Variants in PRELID2 observed in about 807,000 individuals in gnomAD.
PRELID2 encodes PRELI domain containing 2, also known as PRELI domain-containing protein 2.
In PRELID2, 25 loss-of-function variants were observed where a neutral mutation model predicts 28.4. That is an observed-to-expected ratio of 0.88 (90% CI 0.64 to 1.23). The LOEUF (loss-of-function observed/expected upper bound fraction) is 1.23, where lower values mean the gene tolerates loss of function less well. Among genes scored for constraint, PRELID2 ranks in the 50% most tolerant of loss-of-function variants. The pLI, the probability that PRELID2 is intolerant of heterozygous loss-of-function variation, is 0.00. For synonymous variants in PRELID2, 76 were observed against 71.6 expected, an observed-to-expected ratio of 1.06 and a Z score of -0.31; for missense variants, 201 against 214.4, an observed-to-expected ratio of 0.94 and a Z score of 0.39.
At chr5:145,783,825 G>A (rs1394630654) in intron 5 of PRELID2, among the ~76,000 whole-genome samples, 2 of 152,094 alleles carry the variant, frequency 1.3e-5, no homozygotes, top group Admixed American at 6.5e-5. Context: ...TTTGAACGAC[G>A]GTTTTATGCT....
At chr5:145,728,737 C>A (rs1756249192) in intron 1 of PRELID2, 16 of 1,527,768 alleles carry the variant, frequency 1.0e-5, no homozygotes, top group Non-Finnish European at 1.5e-5. Flanking sequence ...TTAAAACTCT[C>A]TTCAACTGTT....
At chr5:145,796,398 TG>T in intron 5 of PRELID2, 43 bp downstream of exon 5, 1 of 1,341,038 alleles carries the variant, frequency 7.5e-7, no homozygotes, top group East Asian at 2.3e-5. Flanking sequence ...GAACTCCTAT[TG>T]TTTTTTAAAA....
chr5:145,596,099 CAA>C (rs552746530), intron 1 of PRELID2, among the ~76,000 whole-genome samples: 9 of 43,944 alleles, frequency 2.0e-4, no homozygotes, highest in Non-Finnish European at 3.1e-4. Context: ...GAGCCTGTCT[CAA>C]AAAAAAAAAA....
the PRELID2 span, among the ~76,000 whole-genome samples, chr5:145,310,683 A>T: frequency 6.6e-6 from 1 of 152,156 alleles, no homozygotes; most frequent in Non-Finnish European, 1.5e-5. Context: ...TCTTTTTGGT[A>T]CATATCCTCT....
the PRELID2 span, among the ~76,000 whole-genome samples, chr5:145,308,197 G>A: frequency 1.1e-3 from 172 of 152,250 alleles, no homozygotes; most frequent in Non-Finnish European, 1.7e-3. Flanking sequence ...TGAGACAAGC[G>A]TAGAACCCAA....
At chr5:145,251,452 G>A in the PRELID2 span, among the ~76,000 whole-genome samples, 1 of 150,570 alleles carries the variant, frequency 6.6e-6, no homozygotes, top group Admixed American at 6.6e-5. Flanking sequence ...GAAGCTCTCA[G>A]GGGTCTTGAT....
chr5:145,810,035 C>G (rs1753822975), intron 4 of PRELID2, among the ~76,000 whole-genome samples: 1 of 152,148 alleles, frequency 6.6e-6, no homozygotes, highest in Non-Finnish European at 1.5e-5. Flanking sequence ...GACACAAACA[C>G]AAGAAATTAA....
the PRELID2 span, among the ~76,000 whole-genome samples, chr5:145,387,936 C>CAAA: frequency 1.8e-5 from 2 of 111,056 alleles, no homozygotes; most frequent in African/African-American, 6.6e-5. Context: ...AAGACAGAAC[C>CAAA]AAAAAAAAAA....
At chr5:145,445,741 AACACAC>A in the PRELID2 span, among the ~76,000 whole-genome samples, 182 of 149,198 alleles carry the variant, frequency 1.2e-3, no homozygotes, top group African/African-American at 4.1e-3. Flanking sequence ...TGTCTCACAA[AACACAC>A]ACACACACAC....
chr5:145,691,690 C>G (rs547155437), intron 1 of PRELID2, among the ~76,000 whole-genome samples: 108 of 152,170 alleles, frequency 7.1e-4, no homozygotes, highest in African/African-American at 2.5e-3. Flanking sequence ...TGCACTCCAG[C>G]CTGGGCGACA....
chr5:145,678,216 TC>T (rs1174260992), intron 1 of PRELID2, among the ~76,000 whole-genome samples: 2 of 152,190 alleles, frequency 1.3e-5, no homozygotes, highest in African/African-American at 4.8e-5. Context: ...TGCTTAGGCA[TC>T]CTCGTGAAAG....
chr5:145,627,173 A>G (rs1323113388), intron 1 of PRELID2, among the ~76,000 whole-genome samples: 2 of 150,270 alleles, frequency 1.3e-5, no homozygotes, highest in African/African-American at 2.4e-5. Context: ...GTGGAATACA[A>G]CTCAGCCATA....
chr5:145,354,452 G>T, the PRELID2 span, among the ~76,000 whole-genome samples: 2 of 152,134 alleles, frequency 1.3e-5, no homozygotes, highest in Admixed American at 1.3e-4. Flanking sequence ...ATTCCTGGTT[G>T]AAAACAACCT....
chr5:145,606,949 T>C (rs1753513998), intron 1 of PRELID2, among the ~76,000 whole-genome samples: 1 of 152,116 alleles, frequency 6.6e-6, no homozygotes, highest in African/African-American at 2.4e-5. Flanking sequence ...AGGGATTCAG[T>C]TTCTTCCTGG....
the PRELID2 span, among the ~76,000 whole-genome samples, chr5:145,461,342 C>T: frequency 1.7e-3 from 4 of 2,338 alleles, no homozygotes; most frequent in African/African-American, 0.016. Flanking sequence ...GCTCTGTCGC[C>T]CAGGCTGGGG....
At chr5:145,518,612 T>C (rs929805914) in intron 1 of PRELID2, among the ~76,000 whole-genome samples, 2 of 152,210 alleles carry the variant, frequency 1.3e-5, no homozygotes, top group African/African-American at 4.8e-5. Context: ...GCTAACAATA[T>C]AGAGGATTAA....
At chr5:145,645,781 T>C (rs565198980) in intron 1 of PRELID2, among the ~76,000 whole-genome samples, 6 of 152,188 alleles carry the variant, frequency 3.9e-5, no homozygotes, top group Non-Finnish European at 7.4e-5. Context: ...TATTTCTCCT[T>C]CATTTATGAA....
the PRELID2 span, among the ~76,000 whole-genome samples, chr5:145,285,524 T>A: frequency 6.6e-6 from 1 of 152,178 alleles, no homozygotes; most frequent in African/African-American, 2.4e-5. Flanking sequence ...CTCTGGTCTG[T>A]GGTACATTTT....
chr5:145,674,036 T>C (rs1211193098), intron 1 of PRELID2, among the ~76,000 whole-genome samples: 4 of 152,156 alleles, frequency 2.6e-5, no homozygotes, highest in Non-Finnish European at 5.9e-5. Flanking sequence ...TTTTCCTAAA[T>C]ATAAAGTTGA....
Sources: allele counts gnomAD v4.1 joint callset (sites outside exome capture counted in the v4.1 genomes callset), GRCh38; gene constraint gnomAD v4.1.1; transcripts MANE v1.5; gene names NCBI Gene and HGNC (gene_info 2026-07-23, HGNC 2026-07-21).